Variants in TAFA2 observed in about 807,000 individuals in gnomAD.
TAFA2 encodes TAFA chemokine like family member 2, also known as chemokine-like protein TAFA-2.
In TAFA2, 7 loss-of-function variants were observed where a neutral mutation model predicts 18.8. The ratio of observed to expected loss-of-function variants is 0.37; its 90% confidence interval spans 0.21 to 0.70. The LOEUF (loss-of-function observed/expected upper bound fraction) is 0.70, where lower values mean the gene tolerates loss of function less well. TAFA2 is among the 30% of genes least tolerant of loss of function. TAFA2 has a pLI of 0.53. For synonymous variants in TAFA2, 60 were observed against 54.2 expected, an observed-to-expected ratio of 1.11 and a Z score of -0.47; for missense variants, 122 against 158.1, an observed-to-expected ratio of 0.77 and a Z score of 1.23.
At chr12:61,711,580 G>A (rs963259327) in intron 4 of TAFA2, among the ~76,000 whole-genome samples, 25 of 152,148 alleles carry the variant, frequency 1.6e-4, no homozygotes, top group African/African-American at 5.8e-4. Context: ...GATCAATTAT[G>A]TAAAAAATGA....
chr12:61,917,276 A>C (rs1231073833), intron 1 of TAFA2, among the ~76,000 whole-genome samples: 1 of 152,208 alleles, frequency 6.6e-6, no homozygotes, highest in East Asian at 1.9e-4. Context: ...CTATGAATCC[A>C]AGTCTACATA....
intron 1 of TAFA2, chr12:62,234,750 G>T: frequency 1.8e-6 from 2 of 1,101,442 alleles, no homozygotes; most frequent in South Asian, 1.2e-5. Flanking sequence ...CTGAGGCCTG[G>T]AGTTCTGCTC....
At chr12:62,012,876 T>G (rs1663470) in intron 1 of TAFA2, among the ~76,000 whole-genome samples, 51,127 of 152,036 alleles carry the variant, frequency 0.34, 8,806 homozygotes, top group East Asian at 0.45. Context: ...AAATGTAGTT[T>G]GCAGAAAATC....
At chr12:62,046,797 T>C (rs1881920503) in intron 1 of TAFA2, among the ~76,000 whole-genome samples, 1 of 152,146 alleles carries the variant, frequency 6.6e-6, no homozygotes, top group African/African-American at 2.4e-5. Context: ...GACAGATTAC[T>C]TCTCTGTTCA....
At chr12:62,007,757 A>G (rs1880604733) in intron 1 of TAFA2, among the ~76,000 whole-genome samples, 1 of 133,874 alleles carries the variant, frequency 7.5e-6, no homozygotes, top group African/African-American at 2.8e-5. Context: ...ATATTTACAT[A>G]CATGTATACA....
In TAFA2 at chr12:61,709,792, A is replaced by G. The variant is rs902175782; in HGVS notation, c.*614T>C. ...ATATGATTGATTTATTCAGATAACT[A>G]TTACTTGCCAACATTATTACCAATG... On this transcript the variant is annotated 3_prime_UTR_variant, in exon 5 of 5. Transcript: ENST00000416284. 3 of 152,140 alleles carry G rather than the reference A, an allele frequency of 2.0e-5. No homozygotes were observed. The highest frequency in any genetic ancestry group is 4.8e-5 in the African/African-American group (2 of 41,432). 9.4% of individuals were successfully genotyped at this position (152,140 alleles called of 1,614,324 possible). A position where few individuals can be genotyped will look rare whatever the true frequency, so the allele number is the denominator to read the frequency against.
At chr12:62,010,165 C>T (rs1404193312) in intron 1 of TAFA2, among the ~76,000 whole-genome samples, 1 of 148,474 alleles carries the variant, frequency 6.7e-6, no homozygotes, top group Non-Finnish European at 1.5e-5. Flanking sequence ...CCCCCTCCCC[C>T]TCCCCCTCCC....
intron 1 of TAFA2, among the ~76,000 whole-genome samples, chr12:61,962,074 A>C (rs1466193993): frequency 6.6e-6 from 1 of 152,028 alleles, no homozygotes; most frequent in Non-Finnish European, 1.5e-5. Context: ...ATATTGATTT[A>C]CATTAAGGCC....
intron 1 of TAFA2, among the ~76,000 whole-genome samples, chr12:62,069,154 T>C (rs1252067315): frequency 5.3e-5 from 8 of 152,188 alleles, no homozygotes; most frequent in Admixed American, 5.2e-4. Flanking sequence ...GGCTCCACAC[T>C]GGTCTGTAGT....
intron 1 of TAFA2, chr12:62,235,295 A>G: frequency 1.5e-6 from 1 of 669,542 alleles, no homozygotes; most frequent in Non-Finnish European, 2.7e-6. Flanking sequence ...ATGCCTCAAC[A>G]GACAACAAGG....
intron 1 of TAFA2, among the ~76,000 whole-genome samples, chr12:62,077,842 T>A: frequency 6.6e-6 from 1 of 152,156 alleles, no homozygotes; most frequent in East Asian, 1.9e-4. Flanking sequence ...ACAAACCCCA[T>A]TCTAAGCTCT....
At chr12:61,780,830 T>C (rs1191137727) in intron 2 of TAFA2, among the ~76,000 whole-genome samples, 5 of 151,808 alleles carry the variant, frequency 3.3e-5, no homozygotes, top group Non-Finnish European at 7.4e-5. Context: ...TTCACTTATA[T>C]TGCAACGGTC....
intron 1 of TAFA2, among the ~76,000 whole-genome samples, chr12:61,983,466 G>C (rs1205894011): frequency 6.6e-6 from 1 of 152,054 alleles, no homozygotes; most frequent in Non-Finnish European, 1.5e-5. Context: ...GGAGTGCAGT[G>C]GTGCAATCTC....
At chr12:62,165,656 T>C (rs2062433765) in intron 1 of TAFA2, among the ~76,000 whole-genome samples, 1 of 152,092 alleles carries the variant, frequency 6.6e-6, no homozygotes, top group Non-Finnish European at 1.5e-5. Context: ...GAGATATCTC[T>C]GTGTTTCCTC....
intron 1 of TAFA2, among the ~76,000 whole-genome samples, chr12:62,014,904 A>G (rs1047748643): frequency 6.6e-6 from 1 of 150,948 alleles, no homozygotes; most frequent in East Asian, 1.9e-4. Context: ...GGCAACCTCC[A>G]AAAAAAAAGC....
chr12:62,041,051 A>G (rs1443528356), intron 1 of TAFA2, among the ~76,000 whole-genome samples: 1 of 152,132 alleles, frequency 6.6e-6, no homozygotes, highest in African/African-American at 2.4e-5. Context: ...CGTTTTTATC[A>G]TTTGTTCTCA....
chr12:61,712,023 A>T (rs1869434499), intron 4 of TAFA2, among the ~76,000 whole-genome samples: 2 of 152,116 alleles, frequency 1.3e-5, no homozygotes, highest in Admixed American at 1.3e-4. Context: ...AATGCTGAAA[A>T]GACAAGAAAA....
intron 1 of TAFA2, among the ~76,000 whole-genome samples, chr12:62,221,821 G>C (rs1384533779): frequency 1.3e-5 from 2 of 151,962 alleles, no homozygotes. Context: ...AGTTAAGATT[G>C]AAAAAATCTA....
intron 1 of TAFA2, among the ~76,000 whole-genome samples, chr12:62,073,031 C>T (rs994045745): frequency 3.9e-5 from 6 of 152,198 alleles, no homozygotes; most frequent in African/African-American, 1.4e-4. Context: ...TCTCTTCCAA[C>T]TGAGCAGCAC....
Sources: gnomAD v4.1 joint callset for allele counts (sites outside exome capture counted in the v4.1 genomes callset) on GRCh38, gnomAD v4.1.1 for gene constraint, MANE v1.5 for transcripts, NCBI Gene and HGNC (gene_info 2026-07-23, HGNC 2026-07-21) for gene names.